RASA3: variants seen among roughly 807,000 people sequenced by gnomAD.
RASA3 encodes the protein ras GTPase-activating protein 3.
In RASA3, 73 loss-of-function variants were observed where a neutral mutation model predicts 110.0. The observed-to-expected ratio is 0.66, with a 90% CI of 0.55 to 0.81. The LOEUF (loss-of-function observed/expected upper bound fraction) is 0.81. Among genes scored for constraint, RASA3 ranks in the 30% least tolerant of loss-of-function variants. The pLI is 0.00. For missense variants in RASA3, 976 were observed against 1,113.2 expected, an observed-to-expected ratio of 0.88 and a Z score of 1.75; for synonymous variants, 500 against 451.4, an observed-to-expected ratio of 1.11 and a Z score of -1.37.
intron 4 of RASA3, among the ~76,000 whole-genome samples, chr13:114,038,082 A>G (rs560039582): frequency 3.4e-4 from 52 of 152,224 alleles, no homozygotes; most frequent in African/African-American, 1.2e-3. Flanking sequence ...ATCAGTAAAA[A>G]AAAAAAAAAG....
In RASA3 at chr13:113,979,288, C is replaced by T; in HGVS notation, c.*59G>A. The T allele has an allele frequency of 6.8e-7, 1 of 1,468,596 alleles. No homozygotes were observed. The highest frequency in any genetic ancestry group is 1.1e-5 in the South Asian group (1 of 88,158). 91.0% of individuals were successfully genotyped at this position (1,468,596 alleles called of 1,614,324 possible). On this transcript the variant is annotated 3_prime_UTR_variant, in exon 24 of 24. Coordinates refer to ENST00000334062, the MANE Select transcript of RASA3 (RefSeq NM_007368.4). ...GCGCTCTTCCTTCTCTTCTCCCTCC[C>T]AAAGGCTGCGGCTTTGCATGGGCAG...
intron 1 of RASA3, among the ~76,000 whole-genome samples, chr13:114,093,359 T>C (rs1285918021): frequency 1.3e-5 from 2 of 152,244 alleles, no homozygotes; most frequent in African/African-American, 4.8e-5. Flanking sequence ...ACAATTGTTT[T>C]CCTTTAGCAC....
Position 114,000,854 on chromosome 13 carries a change from G to A in RASA3, c.1821C>T (p.Asn607=). 6.2e-7 allele frequency: 1 copy of A among 1,613,386 alleles called. No homozygotes were observed. The part of the protein sequence containing the change: ...NFKKRWFRLT[N]HEFTYHKSKG... ...TGCTTTTGTGGTAGGTAAATTCATG[G>A]TTGGTCAAGCGAAACCATCTCTTCT... Residue 607 remains asparagine (N), a synonymous_variant, in exon 19 of 24, where the codon AAC becomes AAT. Transcript: ENST00000334062.
chr13:114,011,313 C>A lies in RASA3; in HGVS notation c.1513-65G>T. The A allele has an allele frequency of 7.1e-7, 1 of 1,400,428 alleles. No homozygotes were observed. Among genetic ancestry groups the A allele is most frequent in the Non-Finnish European group, 1.0e-6 (1 of 998,214 alleles). The allele number at this position is 1,400,428 out of a possible 1,614,324, so 86.8% of individuals were successfully genotyped here. A position where few individuals can be genotyped will look rare whatever the true frequency, so the allele number is the denominator to read the frequency against. Reference sequence around the variant, plus strand: ...CAGAAATGCTGTGACTGTCCCAGATCGAGGGGACGAAATGCAGGAGTCACC... The same window carrying A: ...CAGAAATGCTGTGACTGTCCCAGATAGAGGGGACGAAATGCAGGAGTCACC... On this transcript the variant is annotated intron_variant, in intron 15 of 23. Coordinates refer to ENST00000334062, the MANE Select transcript of RASA3 (RefSeq NM_007368.4). The surrounding 1 kb of genome is among the most constrained non-coding windows in gnomAD (Gnocchi z 4.8).
rs555256786 is a variant in RASA3, at chr13:114,000,221, C to T, written c.1850-554G>A. ...GGGGTGCCCTGGGCCGGAGGAGGTGCCCCATGTTCATCTCCTTGGGGATGA... is the reference window on the plus strand; with the variant it reads ...GGGGTGCCCTGGGCCGGAGGAGGTGTCCCATGTTCATCTCCTTGGGGATGA... On this transcript the variant is annotated intron_variant, in intron 19 of 23. Transcript: ENST00000334062. Among the ~76,000 whole-genome samples the T allele has an allele frequency of 6.0e-4, 91 of 151,670 alleles. 2 individuals are homozygous for T. The highest frequency in any genetic ancestry group is 2.2e-3 in the African/African-American group (89 of 41,324).
chr13:113,998,037 T>A (rs1203899002), intron 20 of RASA3, among the ~76,000 whole-genome samples: 1 of 152,190 alleles, frequency 6.6e-6, no homozygotes, highest in East Asian at 1.9e-4. Flanking sequence ...GAGCCTGGCC[T>A]GGCAGTGGCC....
Position 114,007,550 on chromosome 13 carries a change from G to A in RASA3, c.1725C>T (p.Pro575=), listed in dbSNP as rs1264568778. The A allele has an allele frequency of 1.9e-6, 3 of 1,613,172 alleles. No individual in the cohort carries two copies. Among genetic ancestry groups the A allele is most frequent in the Non-Finnish European group, 2.5e-6 (3 of 1,179,618 alleles). ...CTCCTTACCCTTCTTTAAGCACGAT[G>A]GGCTGCTCAACACTCTTGGGGTCTC... ...GRRDPKSVEQ[P]IVLKEGFMIK... Residue 575 remains proline (P), a synonymous_variant, in exon 18 of 24, where the codon CCC becomes CCT. Coordinates refer to ENST00000334062, the MANE Select transcript of RASA3 (RefSeq NM_007368.4).
intron 4 of RASA3, among the ~76,000 whole-genome samples, chr13:114,037,615 A>G (rs1361734904): frequency 2.0e-5 from 3 of 152,200 alleles, no homozygotes; most frequent in African/African-American, 4.8e-5. Flanking sequence ...AATATTATGA[A>G]TATATTCAAT....
At chr13:113,995,726 G>GGGGGGCCCGGCTGAC (rs750022709) in intron 21 of RASA3, among the ~76,000 whole-genome samples, 2 of 87,566 alleles carry the variant, frequency 2.3e-5, no homozygotes, top group Non-Finnish European at 4.7e-5. Flanking sequence ...CCCAGCTGAT[G>GGGGGGCCCGGCTGAC]GGGGGCCCGG....
In RASA3 at chr13:114,112,099, A is replaced by ACC. The variant is rs112367486; in HGVS notation, c.55+20334_55+20335dup. Among the ~76,000 whole-genome samples the ACC allele has an allele frequency of 0.086, 12,827 of 149,112 alleles. 1,034 individuals carry two copies. The highest frequency in any genetic ancestry group is 0.24 in the East Asian group (1,219 of 5,042). The stretch of plus-strand genomic sequence containing the variant: ...TCCCTGGAAACAGCAGCCCCCAGGC[A>ACC]CCCCCCCCAGCAACTGGGACAAGGG... On this transcript the variant is annotated intron_variant, in intron 1 of 23. Transcript: ENST00000334062. This position sits in a 1 kb window ranked among gnomAD's most constrained non-coding sequence, Gnocchi z 4.8.
In RASA3 at chr13:114,100,096, G is replaced by A. The variant is rs528148366; in HGVS notation, c.56-26259C>T. On this transcript the variant is annotated intron_variant, in intron 1 of 23. Coordinates refer to ENST00000334062, the MANE Select transcript of RASA3 (RefSeq NM_007368.4). ...GAAGAGCGGCAGGCCAGGGTGGAGA[G>A]ACCACACTGCCACACCTGAACACAG... is the stretch of plus-strand genomic sequence containing the variant. Among the ~76,000 whole-genome samples, 8 of 151,326 alleles carry A rather than the reference G, an allele frequency of 5.3e-5. No individual in the cohort carries two copies. In the South Asian group the frequency reaches 1.5e-3, roughly 28 times the overall value.
intron 4 of RASA3, among the ~76,000 whole-genome samples, chr13:114,032,230 G>T (rs993142599): frequency 1.1e-4 from 17 of 152,226 alleles, no homozygotes; most frequent in African/African-American, 4.1e-4. Flanking sequence ...CCTGAACCCG[G>T]CTCTATTCTG....
chr13:114,079,247 T>C (rs1054418423), intron 1 of RASA3, among the ~76,000 whole-genome samples: 1 of 152,202 alleles, frequency 6.6e-6, no homozygotes, highest in African/African-American at 2.4e-5. Flanking sequence ...TCCCACGTCA[T>C]CACGGCGTTT....
chr13:114,019,522 G>T (rs1299945577), intron 9 of RASA3, among the ~76,000 whole-genome samples: 1 of 151,012 alleles, frequency 6.6e-6, no homozygotes, highest in African/African-American at 2.4e-5. Context: ...TCAGGTGGGT[G>T]GAGCCTGTAT....
Position 114,014,061 on chromosome 13 carries a change from TGCCTCTCTCTCCGTCTGTCTCTGC to T in RASA3, c.1406-837_1406-814del, listed in dbSNP as rs2053734570. Among the ~76,000 whole-genome samples, 5 of 123,686 alleles carry T rather than the reference TGCCTCTCTCTCCGTCTGTCTCTGC, an allele frequency of 4.0e-5. No individual in the cohort carries two copies. The highest frequency in any genetic ancestry group is 2.4e-4 in the Admixed American group (3 of 12,484). 81.1% of individuals were successfully genotyped at this position (123,686 alleles called of 152,430 possible). A position where few individuals can be genotyped will look rare whatever the true frequency, so the allele number is the denominator to read the frequency against. The stretch of plus-strand genomic sequence containing the variant: ...CTCTATCTCTCTCTCCGTCTGTCTC[TGCCTCTCTCTCCGTCTGTCTCTGC>T]CTCTCTCTCCGTCTCTCCCTGTCTC... On this transcript the variant is annotated intron_variant, in intron 14 of 23. Coordinates refer to ENST00000334062, the MANE Select transcript of RASA3 (RefSeq NM_007368.4). This position sits in a 1 kb window ranked among gnomAD's most constrained non-coding sequence, Gnocchi z 4.5.
rs981522142 is a variant in RASA3, at chr13:114,132,316, C to T, written c.55+119G>A. 7.3e-6 allele frequency: 8 copies of T among 1,101,434 alleles called. No individual in the cohort carries two copies. In the African/African-American group the frequency reaches 1.3e-4, roughly 18 times the overall value. The allele number at this position is 1,101,434 out of a possible 1,614,324, so 68.2% of individuals were successfully genotyped here. A position where few individuals can be genotyped will look rare whatever the true frequency, so the allele number is the denominator to read the frequency against. ...ACCAGCCGTTCTCCGGGGAGCGCGC[C>T]GCGCCTGGAGGGCGTCTCCGCCGGG... On this transcript the variant is annotated intron_variant, in intron 1 of 23. Coordinates refer to ENST00000334062, the MANE Select transcript of RASA3 (RefSeq NM_007368.4).
Position 114,115,821 on chromosome 13 carries a change from G to C in RASA3, c.55+16614C>G, listed in dbSNP as rs2080268234. Among the ~76,000 whole-genome samples, 1 of 152,248 alleles carries C rather than the reference G, an allele frequency of 6.6e-6. No individual in the cohort carries two copies. Among genetic ancestry groups the C allele is most frequent in the Non-Finnish European group, 1.5e-5 (1 of 68,044 alleles). Reference sequence around the variant, plus strand: ...CTCCTGTAACGACGTTGCTACAGATGTATGTGTTTGTGTGAAGCTGTATTT... The same window carrying C: ...CTCCTGTAACGACGTTGCTACAGATCTATGTGTTTGTGTGAAGCTGTATTT... On this transcript the variant is annotated intron_variant, in intron 1 of 23. Coordinates refer to ENST00000334062, the MANE Select transcript of RASA3 (RefSeq NM_007368.4). The surrounding 1 kb of genome is among the most constrained non-coding windows in gnomAD (Gnocchi z 5.0).
intron 4 of RASA3, among the ~76,000 whole-genome samples, chr13:114,038,782 G>A (rs902836190): frequency 2.0e-5 from 3 of 152,074 alleles, no homozygotes; most frequent in African/African-American, 4.8e-5. Flanking sequence ...GAGGGTTGCC[G>A]GGGGACAAGG....
In RASA3 at chr13:114,047,581, T is replaced by C. The variant is rs533055814; in HGVS notation, c.277+4471A>G. 2.0e-5 allele frequency among the ~76,000 whole-genome samples: 3 copies of C among 152,318 alleles called. No homozygotes were observed. In the South Asian group the frequency reaches 6.2e-4, roughly 32 times the overall value. On this transcript the variant is annotated intron_variant, in intron 3 of 23. Transcript: ENST00000334062. ...CTCAGAGTAAGAAACAGAAACATTG[T>C]CCACACAAAGACCTATCCGAGAATG...
Sources: allele counts gnomAD v4.1 joint callset (sites outside exome capture counted in the v4.1 genomes callset), GRCh38; gene constraint gnomAD v4.1.1; non-coding constraint Gnocchi (gnomAD v3.1); transcripts MANE v1.5; gene names NCBI Gene and HGNC (gene_info 2026-07-23, HGNC 2026-07-21).